The following GAS2 variants were observed in gnomAD, a reference collection of about 807,000 sequenced individuals.
GAS2 encodes growth arrest specific 2, also known as growth arrest-specific protein 2.
In GAS2, 20 loss-of-function variants were observed where a neutral mutation model predicts 37.5. That is an observed-to-expected ratio of 0.53 (90% confidence interval 0.37 to 0.77). The LOEUF is 0.77. Among genes scored for constraint, GAS2 ranks in the 30% least tolerant of loss-of-function variants. The pLI, the probability that GAS2 is intolerant of heterozygous loss-of-function variation, is 0.00. For missense variants in GAS2, 336 were observed against 373.4 expected (o/e 0.90, Z 0.82); for synonymous variants, 144 against 132.2 (o/e 1.09, Z -0.61).
At chr11:22,784,326 A>G (rs1416633885) in intron 7 of GAS2, among the ~76,000 whole-genome samples, 1 of 152,162 alleles carries the variant, frequency 6.6e-6, no homozygotes. Context: ...TGTGTCTTCA[A>G]CTATGAGAAG....
upstream of GAS2, among the ~76,000 whole-genome samples, chr11:22,665,854 A>G (rs1052273117): frequency 1.4e-4 from 21 of 152,256 alleles, no homozygotes; most frequent in Middle Eastern, 3.2e-3. Context: ...TAGGTAACTC[A>G]TCATTATAAA....
intron 1 of GAS2, among the ~76,000 whole-genome samples, chr11:22,651,995 CT>C (rs1848782681): frequency 6.6e-6 from 1 of 152,180 alleles, no homozygotes; most frequent in African/African-American, 2.4e-5. Flanking sequence ...GAGAGGTGCT[CT>C]GCTTTTTAGA....
At chr11:22,680,261 G>A (rs404833) in intron 2 of GAS2, among the ~76,000 whole-genome samples, 56,251 of 151,818 alleles carry the variant, frequency 0.37, 11,487 homozygotes, top group African/African-American at 0.56. Context: ...ACAAGTTGAC[G>A]CCTTTCAGAG....
intron 5 of GAS2, among the ~76,000 whole-genome samples, chr11:22,748,121 A>AT (rs917985041): frequency 2.0e-5 from 3 of 152,136 alleles, no homozygotes; most frequent in African/African-American, 7.2e-5. Context: ...ATAATAGTAG[A>AT]TTAAAAAAAA....
At chr11:22,750,164 G>A (rs1294062910) in intron 6 of GAS2, among the ~76,000 whole-genome samples, 1 of 152,000 alleles carries the variant, frequency 6.6e-6, no homozygotes, top group Non-Finnish European at 1.5e-5. Flanking sequence ...TCACATACAT[G>A]GGGAGAGTCC....
intron 7 of GAS2, among the ~76,000 whole-genome samples, chr11:22,776,313 T>G (rs139579748): frequency 1.4e-3 from 215 of 151,942 alleles, no homozygotes; most frequent in Non-Finnish European, 2.8e-3. Context: ...GCAATGAATT[T>G]GCGTGGTGGC....
At chr11:22,730,399 G>A (rs890235758) in intron 4 of GAS2, among the ~76,000 whole-genome samples, 6 of 151,630 alleles carry the variant, frequency 4.0e-5, no homozygotes, top group African/African-American at 1.5e-4. Context: ...TTTTCACATT[G>A]TTGAAGTTAA....
At chr11:22,749,705 T>A (rs892920783) in intron 6 of GAS2, among the ~76,000 whole-genome samples, 2 of 152,034 alleles carry the variant, frequency 1.3e-5, no homozygotes, top group African/African-American at 4.8e-5. Flanking sequence ...AAAGGCAGGT[T>A]CCCTCTTGAG....
At chr11:22,711,918 C>T (rs1358940445) in intron 3 of GAS2, among the ~76,000 whole-genome samples, 2 of 152,134 alleles carry the variant, frequency 1.3e-5, no homozygotes, top group Non-Finnish European at 2.9e-5. Flanking sequence ...TTTCTTTGCC[C>T]ACCTTGGTAA....
intron 3 of GAS2, among the ~76,000 whole-genome samples, chr11:22,721,139 C>T (rs1012758223): frequency 4.6e-5 from 7 of 151,836 alleles, no homozygotes; most frequent in Non-Finnish European, 1.0e-4. Flanking sequence ...TTAAATGGGA[C>T]AATCCATATG....
chr11:22,753,261 A>G (rs951677207), intron 6 of GAS2, among the ~76,000 whole-genome samples: 4 of 152,046 alleles, frequency 2.6e-5, no homozygotes, highest in African/African-American at 7.2e-5. Context: ...TTACTTAACA[A>G]TATATTTCCA....
At chr11:22,753,657 T>C (rs1239408071) in intron 6 of GAS2, among the ~76,000 whole-genome samples, 1 of 152,114 alleles carries the variant, frequency 6.6e-6, no homozygotes, top group Non-Finnish European at 1.5e-5. Flanking sequence ...TTCTTCTGGA[T>C]GATCGACCCC....
At chr11:22,701,257 T>C (rs564951192) in intron 3 of GAS2, among the ~76,000 whole-genome samples, 1 of 152,294 alleles carries the variant, frequency 6.6e-6, no homozygotes, top group African/African-American at 2.4e-5. Context: ...TTTTATAATA[T>C]TGAATATTAC....
chr11:22,787,108 G>A (rs1030650673), intron 7 of GAS2, among the ~76,000 whole-genome samples: 6 of 151,896 alleles, frequency 4.0e-5, no homozygotes, highest in African/African-American at 1.2e-4. Flanking sequence ...ATACATTTTT[G>A]AGCATTTGTC....
intron 4 of GAS2, among the ~76,000 whole-genome samples, chr11:22,726,865 T>TAA (rs1310215105): frequency 6.6e-6 from 1 of 152,120 alleles, no homozygotes; most frequent in Non-Finnish European, 1.5e-5. Context: ...CTATTGACCA[T>TAA]AAGCTCTACC....
At chr11:22,737,836 G>T (rs1852837887) in intron 5 of GAS2, 68 bp downstream of exon 5, 2 of 1,415,964 alleles carry the variant, frequency 1.4e-6, no homozygotes, top group Admixed American at 1.7e-5. Flanking sequence ...ACAGAAGCTT[G>T]CTGGCTTTTC....
chr11:22,626,504 G>A (rs1858656068), intron 1 of GAS2: 1 of 153,172 alleles, frequency 6.5e-6, no homozygotes, highest in African/African-American at 2.4e-5. Flanking sequence ...ATAATCAGCT[G>A]AAGGAAATGG....
At position 22,812,248 on chromosome 11, in the gene GAS2, AATT is replaced by A. The variant is rs1195300536; in HGVS notation, c.*239_*241del. The stretch of plus-strand genomic sequence containing the variant: ...ATTTAAATTATCCAAATTTTAGGCA[AATT>A]ATTATTTCTCAATATGCGAACACAG... On this transcript the variant is annotated 3_prime_UTR_variant, in exon 8 of 8. Transcript: ENST00000454584. 1.3e-5 allele frequency: 6 copies of A among 474,660 alleles called. No homozygotes were observed. The highest frequency in any genetic ancestry group is 3.7e-5 in the East Asian group (1 of 27,268). The allele number at this position is 474,660 out of a possible 1,614,324, so 29.4% of individuals were successfully genotyped here.
chr11:22,661,252 A>T lies in GAS2; in HGVS notation c.-20-13598A>T, dbSNP rs1254491777. ...CATTTAATTTTCCTTTGATGAGCAC[A>T]GTTCTTGCTGAATCCCGTCTATCAC... On this transcript the variant is annotated intron_variant, in intron 1 of 5. Coordinates refer to the GAS2 transcript ENST00000528582. Among the ~76,000 whole-genome samples the T allele has an allele frequency of 5.3e-5, 8 of 152,336 alleles. No homozygotes were observed. The East Asian group carries it at 1.5e-3, about 29-fold the overall frequency.
Sources: gnomAD v4.1 joint callset for allele counts (sites outside exome capture counted in the v4.1 genomes callset) on GRCh38, gnomAD v4.1.1 for gene constraint, MANE v1.5 for transcripts, NCBI Gene and HGNC (gene_info 2026-07-23, HGNC 2026-07-21) for gene names.